The following SERPINB13 variants were observed in gnomAD, a reference collection of about 807,000 sequenced individuals.
SERPINB13 encodes the protein serpin B13.
Under a neutral mutation model 31.2 loss-of-function variants are expected in SERPINB13, and 26 were observed. The observed-to-expected ratio is 0.83, with a 90% CI of 0.61 to 1.15. The LOEUF (loss-of-function observed/expected upper bound fraction) is 1.15, where lower values mean the gene tolerates loss of function less well. SERPINB13 is among the 50% of genes most tolerant of loss of function. The pLI, the probability that SERPINB13 is intolerant of heterozygous loss-of-function variation, is 0.00. For missense variants in SERPINB13, 510 were observed against 469.4 expected (o/e 1.09, Z -0.80); for synonymous variants, 191 against 172.4 (o/e 1.11, Z -0.85).
In SERPINB13 at chr18:63,589,468, C is replaced by CACACAT. The variant is rs1555678820; in HGVS notation, c.166-183_166-182insTACACA. Among the ~76,000 whole-genome samples, 80 of 148,042 alleles carry CACACAT rather than the reference C, an allele frequency of 5.4e-4. 1 individual carries two copies. In the Middle Eastern group the frequency reaches 0.024, roughly 45 times the overall value. ...AAACTCCATCACACACACACACACA[C>CACACAT]ACACACACACACACACACACACGAA... On this transcript the variant is annotated intron_variant, in intron 2 of 7. Transcript: ENST00000344731.
chr18:63,594,216 C>A, intron 5 of SERPINB13, 139 bp from the exon 6 acceptor site: 1 of 1,542,548 alleles, frequency 6.5e-7, no homozygotes, highest in Non-Finnish European at 8.8e-7. Context: ...TGCCAGCAAA[C>A]CCTTTGTCAG....
rs556548672 is a variant in SERPINB13 at position 63,598,608 on chromosome 18, G to A, written c.*1245G>A. On this transcript the variant is annotated 3_prime_UTR_variant, in exon 8 of 8. Transcript: ENST00000344731. ...ATTGATACTTAATTTTTTTATTGCC[G>A]AATACTATTCCATTGCATGGAAAAG... 1.3e-5 allele frequency: 2 copies of A among 152,118 alleles called. No homozygotes were observed. The highest frequency in any genetic ancestry group is 2.4e-5 in the African/African-American group (1 of 41,506). 9.4% of individuals were successfully genotyped at this position (152,118 alleles called of 1,614,324 possible). A position where few individuals can be genotyped will look rare whatever the true frequency, so the allele number is the denominator to read the frequency against.
chr18:63,587,767 AT>A (rs1029057213), intron 1 of SERPINB13, among the ~76,000 whole-genome samples: 6 of 152,158 alleles, frequency 3.9e-5, no homozygotes, highest in Non-Finnish European at 8.8e-5. Flanking sequence ...AAAAAACTTT[AT>A]TTTTCATTAA....
chr18:63,588,982 G>T lies in SERPINB13; in HGVS notation c.165+150G>T, dbSNP rs941759296. The stretch of plus-strand genomic sequence containing the variant: ...CTTTCAAGACAAGGAGCAATTTCAG[G>T]TCTATCAGGAAAGCCCTCTTCCTTT... On this transcript the variant is annotated intron_variant, in intron 2 of 7. Transcript: ENST00000344731. 2.2e-5 allele frequency: 20 copies of T among 889,970 alleles called. No homozygotes were observed. The Admixed American group carries it at 5.3e-4, about 24-fold the overall frequency. The allele number at this position is 889,970 out of a possible 1,614,324, so 55.1% of individuals were successfully genotyped here.
At position 63,588,698 on chromosome 18, in the gene SERPINB13, C is replaced by T. The variant is rs533888249; in HGVS notation, c.31C>T (p.Leu11Phe). The change falls in exon 2 of 8, where the codon CTT becomes TTT. Residue 11 changes from leucine (L) to phenylalanine (F), a missense_variant. By Grantham distance (22) the Leu-to-Phe change is conservative. Transcript: ENST00000344731. MDSLGAVSTR[L>F]GFDLFKELKK... ...TTCACTTGGCGCCGTCAGCACTCGA[C>T]TTGGGTTTGATCTTTTCAAAGAGCT... 5 of 1,614,180 alleles carry T rather than the reference C, an allele frequency of 3.1e-6. No homozygotes were observed. The East Asian group carries it at 8.9e-5, about 29-fold the overall frequency.
chr18:63,599,051 T>G lies in SERPINB13; in HGVS notation c.*1688T>G, dbSNP rs536023476. On this transcript the variant is annotated 3_prime_UTR_variant, in exon 8 of 8. Coordinates refer to ENST00000344731, the MANE Select transcript of SERPINB13 (RefSeq NM_012397.4). Reference sequence around the variant, plus strand: ...TATTGGCCATTTGTTTGACTTTGTTTGGTGAAATGTATACAAATCATTTGC... The same window carrying G: ...TATTGGCCATTTGTTTGACTTTGTTGGGTGAAATGTATACAAATCATTTGC... 2 of 152,172 alleles carry G rather than the reference T, an allele frequency of 1.3e-5. No homozygotes were observed. The highest frequency in any genetic ancestry group is 2.9e-5 in the Non-Finnish European group (2 of 68,012). 9.4% of individuals were successfully genotyped at this position (152,172 alleles called of 1,614,324 possible). A position where few individuals can be genotyped will look rare whatever the true frequency, so the allele number is the denominator to read the frequency against.
intron 3 of SERPINB13, 72 bp from the exon 4 acceptor site, chr18:63,592,276 C>T: frequency 6.6e-7 from 1 of 1,523,560 alleles, no homozygotes; most frequent in South Asian, 1.3e-5. Flanking sequence ...CCAGCAGCCG[C>T]ATCCTCTTAG....
rs1223472005 is a variant in SERPINB13, at chr18:63,598,876, G to A, written c.*1513G>A. Reference sequence around the variant, plus strand: ...GACATTTTATATTCCCACCAGGAATGTTTAAAACTAGTGTCTTCAAATCCT... The same window carrying A: ...GACATTTTATATTCCCACCAGGAATATTTAAAACTAGTGTCTTCAAATCCT... On this transcript the variant is annotated 3_prime_UTR_variant, in exon 8 of 8. Coordinates refer to ENST00000344731, the MANE Select transcript of SERPINB13 (RefSeq NM_012397.4). The A allele has an allele frequency of 1.3e-5, 2 of 152,184 alleles. No homozygotes were observed. The highest frequency in any genetic ancestry group is 6.5e-5 in the Admixed American group (1 of 15,280). 9.4% of individuals were successfully genotyped at this position (152,184 alleles called of 1,614,324 possible).
At chr18:63,590,935 G>A (rs1056148591) in intron 3 of SERPINB13, among the ~76,000 whole-genome samples, 15 of 152,212 alleles carry the variant, frequency 9.9e-5, no homozygotes, top group African/African-American at 2.4e-4. Flanking sequence ...GCATGTACCC[G>A]TTTGATTATT....
In SERPINB13 at chr18:63,598,060, T is replaced by C. The variant is rs544989257; in HGVS notation, c.*697T>C. ...CTTTTTAGACTTTGTAAGGTAAATA[T>C]TTGGACTAACTTTTAGAAAAGTTTC... On this transcript the variant is annotated 3_prime_UTR_variant, in exon 8 of 8. Coordinates refer to ENST00000344731, the MANE Select transcript of SERPINB13 (RefSeq NM_012397.4). The C allele has an allele frequency of 3.9e-5, 6 of 152,250 alleles. No individual in the cohort carries two copies. In the East Asian group the frequency reaches 1.2e-3, roughly 29 times the overall value. 9.4% of individuals were successfully genotyped at this position (152,250 alleles called of 1,614,324 possible). A position where few individuals can be genotyped will look rare whatever the true frequency, so the allele number is the denominator to read the frequency against.
chr18:63,589,960 G>A lies in SERPINB13; in HGVS notation c.225+245G>A. On this transcript the variant is annotated intron_variant, in intron 3 of 7. Transcript: ENST00000344731. ...TGTAATGGACAATACCGCTATGATAGAACTGGTAAAGGCTAATAGACAGAA... is the reference window on the plus strand; with the variant it reads ...TGTAATGGACAATACCGCTATGATAAAACTGGTAAAGGCTAATAGACAGAA... 8.6e-6 allele frequency: 6 copies of A among 700,474 alleles called. No homozygotes were observed. In the South Asian group the frequency reaches 1.8e-4, roughly 20 times the overall value. The allele number at this position is 700,474 out of a possible 1,614,324, so 43.4% of individuals were successfully genotyped here.
intron 7 of SERPINB13, among the ~76,000 whole-genome samples, chr18:63,595,791 C>T (rs963085812): frequency 2.6e-5 from 4 of 151,914 alleles, no homozygotes; most frequent in East Asian, 1.9e-4. Flanking sequence ...CCCAGCTACT[C>T]GGGAGGCTGA....
Position 63,588,970 on chromosome 18 carries a change from G to A in SERPINB13, c.165+138G>A, listed in dbSNP as rs563066554. On this transcript the variant is annotated intron_variant, in intron 2 of 7. Transcript: ENST00000344731. ...AGGAAACAGAGACTTTCAAGACAAG[G>A]AGCAATTTCAGGTCTATCAGGAAAG... 4.7e-5 allele frequency: 46 copies of A among 970,504 alleles called. No homozygotes were observed. The African/African-American group carries it at 6.4e-4, about 14-fold the overall frequency. The allele number at this position is 970,504 out of a possible 1,614,324, so 60.1% of individuals were successfully genotyped here. A position where few individuals can be genotyped will look rare whatever the true frequency, so the allele number is the denominator to read the frequency against.
At chr18:63,592,236 C>G (rs760513955) in intron 3 of SERPINB13, 112 bp from the exon 4 acceptor site, 123 of 1,226,966 alleles carry the variant, frequency 1.0e-4, no homozygotes, top group Non-Finnish European at 1.3e-4. Context: ...ACAGGGATCA[C>G]CCTTGAGGCT....
intron 5 of SERPINB13, chr18:63,593,911 T>C (rs984614866): frequency 4.5e-5 from 20 of 445,074 alleles, no homozygotes; most frequent in Non-Finnish European, 8.8e-5. Flanking sequence ...GTAAGCATAA[T>C]AGCTAACACA....
intron 7 of SERPINB13, 93 bp from the exon 8 acceptor site, chr18:63,596,866 A>G (rs1912198524): frequency 9.5e-7 from 1 of 1,054,974 alleles, no homozygotes; most frequent in South Asian, 1.9e-5. Context: ...TATTACTAAA[A>G]TTAATAACTT....
chr18:63,595,763 G>T (rs1352538987), intron 7 of SERPINB13, among the ~76,000 whole-genome samples: 1 of 152,082 alleles, frequency 6.6e-6, no homozygotes, highest in Non-Finnish European at 1.5e-5. Flanking sequence ...GCCTGGCGTG[G>T]TTGTGGGCGC....
Position 63,588,843 on chromosome 18 carries a change from G to T in SERPINB13, c.165+11G>T. ...TCCCAGTTGGAGGAGGTTGGGCGCA[G>T]TCAGGGGGCTTCCTTGTTTCCTATG... On this transcript the variant is annotated intron_variant, in intron 2 of 7. Transcript: ENST00000344731. 6.2e-7 allele frequency: 1 copy of T among 1,611,634 alleles called. No individual in the cohort carries two copies. The highest frequency in any genetic ancestry group is 8.5e-7 in the Non-Finnish European group (1 of 1,179,254).
chr18:63,594,211 G>A (rs1912019088), intron 5 of SERPINB13, 144 bp from the exon 6 acceptor site: 3 of 1,539,862 alleles, frequency 1.9e-6, no homozygotes, highest in Non-Finnish European at 2.6e-6. Context: ...GATTCTGCCA[G>A]CAAACCCTTT....
Sources: allele counts gnomAD v4.1 joint callset (sites outside exome capture counted in the v4.1 genomes callset), GRCh38; gene constraint gnomAD v4.1.1; transcripts MANE v1.5; gene names NCBI Gene and HGNC (gene_info 2026-07-23, HGNC 2026-07-21).